The following RBFOX2 variants were observed in gnomAD, a reference collection of about 807,000 sequenced individuals.
RBFOX2 encodes the protein RNA binding protein fox-1 homolog 2.
A neutral mutation model predicts 49.1 loss-of-function variants in RBFOX2; 10 were observed. The observed-to-expected ratio is 0.20, with a 90% CI of 0.13 to 0.35. The LOEUF (loss-of-function observed/expected upper bound fraction) is 0.35. RBFOX2 is among the 10% of genes least tolerant of loss of function. The probability of loss-of-function intolerance (pLI) is 1.00; values close to 1 mark genes in which losing one functional copy is unlikely to be tolerated. For missense variants in RBFOX2, 323 were observed against 486.9 expected, an observed-to-expected ratio of 0.66 and a Z score of 3.17; for synonymous variants, 183 against 187.4, an observed-to-expected ratio of 0.98 and a Z score of 0.19.
chr22:35,959,777 T>C (rs1443324824), intron 1 of RBFOX2, among the ~76,000 whole-genome samples: 1 of 152,206 alleles, frequency 6.6e-6, no homozygotes, highest in East Asian at 1.9e-4. Flanking sequence ...GAGGTCCAGG[T>C]TGACTTCAAT....
intron 1 of RBFOX2, among the ~76,000 whole-genome samples, chr22:35,893,330 A>T (rs1181201593): frequency 1.3e-5 from 2 of 152,206 alleles, no homozygotes; most frequent in African/African-American, 4.8e-5. Flanking sequence ...AAAAAAATTG[A>T]GATAAATACA....
At chr22:35,957,230 G>A (rs2055669562) in intron 1 of RBFOX2, among the ~76,000 whole-genome samples, 1 of 152,148 alleles carries the variant, frequency 6.6e-6, no homozygotes, top group African/African-American at 2.4e-5. Flanking sequence ...TTGTTACAAG[G>A]ATTGAGGTAA....
At chr22:35,978,625 G>A (rs969631265) in intron 1 of RBFOX2, among the ~76,000 whole-genome samples, 2 of 152,196 alleles carry the variant, frequency 1.3e-5, no homozygotes, top group African/African-American at 4.8e-5. Context: ...GATGGGGACA[G>A]GTCAAAAGGA....
At chr22:35,756,317 G>T (rs569528836) in intron 9 of RBFOX2, among the ~76,000 whole-genome samples, 173 bp from the exon 11 acceptor site, 1 of 152,162 alleles carries the variant, frequency 6.6e-6, no homozygotes. Flanking sequence ...AAGTGCACAC[G>T]AAGGTTACAC....
At chr22:35,818,237 C>T (rs1197948873) in intron 1 of RBFOX2, among the ~76,000 whole-genome samples, 1 of 152,192 alleles carries the variant, frequency 6.6e-6, no homozygotes, top group Non-Finnish European at 1.5e-5. Context: ...TGAATCATGT[C>T]TTCCACTGGC....
At chr22:36,007,907 G>A (rs934739296) in intron 1 of RBFOX2, among the ~76,000 whole-genome samples, 3 of 151,894 alleles carry the variant, frequency 2.0e-5, no homozygotes, top group African/African-American at 2.4e-5. Flanking sequence ...CATCAAGAAT[G>A]TACCTTATTT....
chr22:35,853,739 G>A (rs2042213480), intron 1 of RBFOX2, among the ~76,000 whole-genome samples: 1 of 151,306 alleles, frequency 6.6e-6, no homozygotes, highest in African/African-American at 2.4e-5. Context: ...TCCAGGCGGT[G>A]GAATGGGGTG....
chr22:35,943,221 T>A (rs2053893586), upstream of RBFOX2, among the ~76,000 whole-genome samples: 1 of 152,200 alleles, frequency 6.6e-6, no homozygotes, highest in Non-Finnish European at 1.5e-5. Context: ...TGGTCAGAGA[T>A]GATTATGATT....
At chr22:35,850,162 G>A (rs1002355615) in intron 1 of RBFOX2, among the ~76,000 whole-genome samples, 4 of 149,932 alleles carry the variant, frequency 2.7e-5, no homozygotes, top group African/African-American at 9.8e-5. Flanking sequence ...GTACCCGTGT[G>A]CACGCATGCG....
intron 1 of RBFOX2, among the ~76,000 whole-genome samples, chr22:35,836,046 A>T (rs1007947805): frequency 6.6e-6 from 1 of 152,126 alleles, no homozygotes; most frequent in African/African-American, 2.4e-5. Flanking sequence ...TAGAAAGTGG[A>T]AAGTGTGCCA....
intron 1 of RBFOX2, among the ~76,000 whole-genome samples, chr22:35,977,098 A>T (rs1393677774): frequency 6.6e-6 from 1 of 152,244 alleles, no homozygotes; most frequent in Non-Finnish European, 1.5e-5. Context: ...AACATCATTA[A>T]TATTTAGGAA....
intron 2 of RBFOX2, among the ~76,000 whole-genome samples, chr22:35,799,112 G>C (rs1569159605): frequency 1.3e-5 from 2 of 152,160 alleles, no homozygotes; most frequent in Admixed American, 6.5e-5. Flanking sequence ...GAAACAGAGA[G>C]AGAATTATTT....
intron 1 of RBFOX2, among the ~76,000 whole-genome samples, chr22:35,825,834 A>T (rs1569285054): frequency 6.6e-6 from 1 of 151,918 alleles, no homozygotes; most frequent in East Asian, 1.9e-4. Context: ...TACAAAAATT[A>T]GCTGAGCGTG....
At chr22:35,838,297 C>T (rs1447838152) in intron 1 of RBFOX2, among the ~76,000 whole-genome samples, 9 of 148,662 alleles carry the variant, frequency 6.1e-5, no homozygotes, top group African/African-American at 2.0e-4. Flanking sequence ...GCTAAAACAG[C>T]GGAAGAGGTG....
At chr22:35,953,528 G>C (rs1483872348) in intron 1 of RBFOX2, among the ~76,000 whole-genome samples, 4 of 152,166 alleles carry the variant, frequency 2.6e-5, no homozygotes, top group Non-Finnish European at 5.9e-5. Flanking sequence ...ATTGCTTAAT[G>C]GATACGGGTG....
At chr22:35,786,909 G>A (rs1946515466) in intron 2 of RBFOX2, among the ~76,000 whole-genome samples, 1 of 152,046 alleles carries the variant, frequency 6.6e-6, no homozygotes, top group African/African-American at 2.4e-5. Context: ...TTAGAAACGA[G>A]AACCCATACG....
chr22:35,831,446 T>C (rs1049083302), intron 1 of RBFOX2, among the ~76,000 whole-genome samples: 2 of 151,980 alleles, frequency 1.3e-5, no homozygotes, highest in Non-Finnish European at 2.9e-5. Flanking sequence ...AAAAAAATAA[T>C]AATAAATTAA....
intron 4 of RBFOX2, among the ~76,000 whole-genome samples, chr22:35,774,312 T>C (rs1943380055): frequency 6.6e-6 from 1 of 152,138 alleles, no homozygotes; most frequent in South Asian, 2.1e-4. Context: ...CTGTCATTAC[T>C]GGTGAAATCT....
intron 1 of RBFOX2, among the ~76,000 whole-genome samples, chr22:35,950,639 A>G (rs1024239467): frequency 2.0e-5 from 3 of 152,170 alleles, no homozygotes; most frequent in South Asian, 2.1e-4. Context: ...TTCTGCTGGT[A>G]TAAGTCCATA....
Sources: gnomAD v4.1 joint callset for allele counts (sites outside exome capture counted in the v4.1 genomes callset) on GRCh38, gnomAD v4.1.1 for gene constraint, MANE v1.5 for transcripts, NCBI Gene and HGNC (gene_info 2026-07-23, HGNC 2026-07-21) for gene names.